Variants in ERAP1 observed in about 807,000 individuals in gnomAD.
ERAP1 encodes the protein endoplasmic reticulum aminopeptidase 1, also known as adipocyte-derived leucine aminopeptidase.
ERAP1 carries 86 observed loss-of-function variants against 103.7 expected under a neutral mutation model. The ratio of observed to expected loss-of-function variants is 0.83; its 90% CI spans 0.70 to 0.99. The LOEUF is 0.99. Ranked by LOEUF, ERAP1 falls within the 50% of genes least tolerant of loss-of-function variation. The pLI, the probability that ERAP1 is intolerant of heterozygous loss-of-function variation, is 0.00. For missense variants in ERAP1, 1,009 were observed against 1,128.4 expected (o/e 0.89, Z 1.52); for synonymous variants, 398 against 402.4 (o/e 0.99, Z 0.13).
At chr5:96,901,870 T>C in the ERAP1 span, among the ~76,000 whole-genome samples, 1 of 152,208 alleles carries the variant, frequency 6.6e-6, no homozygotes, top group African/African-American at 2.4e-5. Context: ...AGGAGCACCA[T>C]TCTTAGTGAT....
intron 13 of ERAP1, chr5:96,785,526 A>T: frequency 2.2e-6 from 1 of 452,506 alleles, no homozygotes; most frequent in South Asian, 2.1e-5. Context: ...TCTCCTGGTT[A>T]TCTACACTTC....
chr5:96,850,899 A>G, the ERAP1 span, among the ~76,000 whole-genome samples: 713 of 152,314 alleles, frequency 4.7e-3, 2 homozygotes, highest in African/African-American at 0.015. Flanking sequence ...TTCACAACCT[A>G]TTAGTCCAAA....
chr5:96,836,372 T>C, the ERAP1 span, among the ~76,000 whole-genome samples: 2 of 151,978 alleles, frequency 1.3e-5, no homozygotes, highest in African/African-American at 4.8e-5. Flanking sequence ...TAGCTAATTT[T>C]TGTATTTTTA....
At chr5:96,864,462 G>T in the ERAP1 span, among the ~76,000 whole-genome samples, 1 of 152,102 alleles carries the variant, frequency 6.6e-6, no homozygotes, top group Admixed American at 6.5e-5. Context: ...CAGACAAGAT[G>T]ACAGTGAAAA....
chr5:96,896,302 C>T, the ERAP1 span: 1 of 1,237,764 alleles, frequency 8.1e-7, no homozygotes, highest in East Asian at 2.4e-5. Context: ...TCTTACTAAA[C>T]CTACTATGTT....
chr5:96,803,513 G>A lies in ERAP1; in HGVS notation c.414C>T (p.Pro138=), dbSNP rs963776166. ...CTGTGTACGGGAGCCCGACAAGGAG[G>A]GGCTCGGGAGCCAGCAGTGCAATTT... is the stretch of plus-strand genomic sequence containing the variant. The part of the protein sequence containing the change: ...QEQIALLAPE[P]LLVGLPYTVV... The change falls in exon 2 of 19, where the codon CCC becomes CCT. Residue 138 remains proline, a synonymous_variant. Coordinates refer to ENST00000443439, the MANE Select transcript of ERAP1 (RefSeq NM_001040458.3). The A allele has an allele frequency of 1.8e-5, 29 of 1,613,220 alleles. No homozygotes were observed. Among genetic ancestry groups the A allele is most frequent in the Non-Finnish European group, 2.3e-5 (27 of 1,179,418 alleles).
intron 19 of ERAP1, among the ~76,000 whole-genome samples, chr5:96,766,919 A>G (rs1014930769): frequency 2.0e-5 from 3 of 152,174 alleles, no homozygotes; most frequent in Non-Finnish European, 4.4e-5. Context: ...ACAGGAACCA[A>G]TTCTCCTTGC....
At chr5:96,933,757 A>G in the ERAP1 span, among the ~76,000 whole-genome samples, 9 of 152,370 alleles carry the variant, frequency 5.9e-5, no homozygotes, top group South Asian at 1.9e-3. Flanking sequence ...GGAACATGAC[A>G]TGACCTAAAA....
At chr5:96,809,435 TC>T (rs1561301619), upstream of ERAP1, among the ~76,000 whole-genome samples, 1 of 152,188 alleles carries the variant, frequency 6.6e-6, no homozygotes, top group African/African-American at 2.4e-5. Flanking sequence ...GACTTTCTTC[TC>T]CCACTTCTTT....
chr5:96,868,092 A>C, the ERAP1 span, among the ~76,000 whole-genome samples: 1 of 152,124 alleles, frequency 6.6e-6, no homozygotes, highest in Non-Finnish European at 1.5e-5. Flanking sequence ...AAGAAAAACA[A>C]ACAAACAAAC....
chr5:96,762,689 T>C (rs1320550414), exon 20 of ERAP1: 4 of 312,162 alleles, frequency 1.3e-5, no homozygotes, highest in Non-Finnish European at 1.7e-5. Context: ...AAAAGTTCTT[T>C]AGCTTTCCTG....
chr5:96,877,651 G>A, the ERAP1 span, among the ~76,000 whole-genome samples: 45 of 152,332 alleles, frequency 3.0e-4, no homozygotes, highest in Middle Eastern at 3.4e-3. Flanking sequence ...CCATGATCAC[G>A]TAGGTGAGGT....
At chr5:96,926,981 T>G in the ERAP1 span, among the ~76,000 whole-genome samples, 2 of 152,186 alleles carry the variant, frequency 1.3e-5, no homozygotes, top group African/African-American at 4.8e-5. Flanking sequence ...CATGCCTGGC[T>G]AATTTTTTTA....
the ERAP1 span, among the ~76,000 whole-genome samples, chr5:96,849,343 T>C: frequency 6.6e-6 from 1 of 152,168 alleles, no homozygotes; most frequent in Non-Finnish European, 1.5e-5. Flanking sequence ...TGTTTGCTGA[T>C]GACATGATCT....
chr5:96,771,840 G>T, downstream of ERAP1: 1 of 518,850 alleles, frequency 1.9e-6, no homozygotes, highest in South Asian at 3.4e-5. Context: ...CATACTGCAA[G>T]ATCTACAGAG....
chr5:96,788,783 C>T, intron 10 of ERAP1, 98 bp from the exon 11 acceptor site: 1 of 1,459,180 alleles, frequency 6.9e-7, no homozygotes, highest in Non-Finnish European at 9.3e-7. Flanking sequence ...CTACCAGTTG[C>T]CAACCTCCCC....
At chr5:96,892,386 C>T in the ERAP1 span, 2 of 1,614,038 alleles carry the variant, frequency 1.2e-6, no homozygotes, top group South Asian at 2.2e-5. Context: ...CTTTTTGACC[C>T]CAAGACCTCT....
chr5:96,828,864 T>C, the ERAP1 span, among the ~76,000 whole-genome samples: 1 of 152,214 alleles, frequency 6.6e-6, no homozygotes, highest in African/African-American at 2.4e-5. Context: ...TATTATTTTT[T>C]TGAGATGGGG....
At chr5:96,911,818 G>T in the ERAP1 span, among the ~76,000 whole-genome samples, 29 of 138,862 alleles carry the variant, frequency 2.1e-4, no homozygotes, top group South Asian at 6.8e-3. Context: ...AGTGAGCCAT[G>T]ATCACGCCAC....
Sources: allele counts gnomAD v4.1 joint callset (sites outside exome capture counted in the v4.1 genomes callset), GRCh38; gene constraint gnomAD v4.1.1; transcripts MANE v1.5; gene names NCBI Gene and HGNC (gene_info 2026-07-23, HGNC 2026-07-21).